RAB15: variants seen among roughly 807,000 people sequenced by gnomAD.
RAB15 encodes RAB15, member RAS oncogene family, also known as ras-related protein Rab-15.
In RAB15, 13 loss-of-function variants were observed where a neutral mutation model predicts 31.8. That is an observed-to-expected ratio of 0.41 (90% CI 0.27 to 0.65). RAB15 has a LOEUF of 0.65. Among genes scored for constraint, RAB15 ranks in the 30% least tolerant of loss-of-function variants. The pLI is 0.32. For missense variants in RAB15, 220 were observed against 277.3 expected, an observed-to-expected ratio of 0.79 and a Z score of 1.47; for synonymous variants, 100 against 105.6, an observed-to-expected ratio of 0.95 and a Z score of 0.33.
intron 1 of RAB15, among the ~76,000 whole-genome samples, chr14:64,960,599 T>A (rs536973222): frequency 6.6e-6 from 1 of 151,840 alleles, no homozygotes; most frequent in African/African-American, 2.4e-5. Context: ...CTCAGAGAAT[T>A]TTTTTTTTAA....
At position 64,954,123 on chromosome 14, in the gene RAB15, G is replaced by A. The variant is rs1366939363; in HGVS notation, c.125-1552C>T. On this transcript the variant is annotated intron_variant, in intron 1 of 6. Transcript: ENST00000533601. This position sits in a 1 kb window ranked among gnomAD's most constrained non-coding sequence, Gnocchi z 4.3. ...CGGGCAACCTGAACTAAATCGATTT[G>A]GTCAGACGTGAATCATTTCTCGCCT... 4 of 985,270 alleles carry A rather than the reference G, an allele frequency of 4.1e-6. No homozygotes were observed. The African/African-American group carries it at 7.0e-5, about 17-fold the overall frequency. The allele number at this position is 985,270 out of a possible 1,614,324, so 61.0% of individuals were successfully genotyped here. A position where few individuals can be genotyped will look rare whatever the true frequency, so the allele number is the denominator to read the frequency against.
Position 64,948,467 on chromosome 14 carries a change from C to A in RAB15, c.526G>T (p.Glu176Ter). The A allele has an allele frequency of 6.2e-7, 1 of 1,613,434 alleles. No homozygotes were observed. The highest frequency in any genetic ancestry group is 1.7e-5 in the Admixed American group (1 of 59,910). ...TELVLQAHRK[E>*]LEGLRMRASN... ...GCACGCATCCGGAGGCCTTCCAGCT[C>A]CTTCCTATGGGCCTGCAGCACCAGC... is the stretch of plus-strand genomic sequence containing the variant. The change falls in exon 7 of 7, where the codon GAG (glutamate) becomes TAG (stop). Residue 176 changes from glutamate (E) to a stop codon, truncating the protein, a stop_gained. Coordinates refer to ENST00000533601, the MANE Select transcript of RAB15 (RefSeq NM_001308154.2). LOFTEE classifies it high-confidence loss of function. This position sits in a 1 kb window ranked among gnomAD's most constrained non-coding sequence, Gnocchi z 7.0.
In RAB15 at chr14:64,970,638, T is replaced by G. The variant is rs189504798; in HGVS notation, c.124+1315A>C. The stretch of plus-strand genomic sequence containing the variant: ...TCGAGCTTCACCATGTGTCTGGCTG[T>G]GCTAAGCACTTAACAATCGTTATCT... On this transcript the variant is annotated intron_variant, in intron 1 of 6. Coordinates refer to ENST00000533601, the MANE Select transcript of RAB15 (RefSeq NM_001308154.2). This position sits in a 1 kb window ranked among gnomAD's most constrained non-coding sequence, Gnocchi z 4.1. 6.6e-6 allele frequency among the ~76,000 whole-genome samples: 1 copy of G among 152,338 alleles called. No individual in the cohort carries two copies. Among genetic ancestry groups the G allele is most frequent in the East Asian group, 1.9e-4 (1 of 5,194 alleles).
chr14:64,951,140 CA>C lies in RAB15; in HGVS notation c.257del (p.Leu86TrpfsTer15). The C allele has an allele frequency of 1.2e-6, 2 of 1,611,384 alleles. No homozygotes were observed. On this transcript the variant is annotated frameshift_variant, in exon 4 of 7. Coordinates refer to ENST00000533601, the MANE Select transcript of RAB15 (RefSeq NM_001308154.2). LOFTEE classifies it high-confidence loss of function. The surrounding 1 kb of genome is among the most constrained non-coding windows in gnomAD (Gnocchi z 7.2). The part of the protein sequence containing the change: ...QYYRRAQGIF[L>X]VYDISSERSY... ...AGCGCTCGCTGCTAATGTCATAGAC[CA>C]AAAATATCCCCTGAGAGAGAGAGAA...
chr14:64,949,134 C>A (rs968161090), intron 5 of RAB15, among the ~76,000 whole-genome samples: 2 of 152,182 alleles, frequency 1.3e-5, no homozygotes, highest in African/African-American at 4.8e-5. Context: ...CTGTAAGCCC[C>A]AGCTTTATCT....
In RAB15 at chr14:64,950,758, G is replaced by T. The variant is rs1323488391; in HGVS notation, c.324+316C>A. On this transcript the variant is annotated intron_variant, in intron 4 of 6. Coordinates refer to ENST00000533601, the MANE Select transcript of RAB15 (RefSeq NM_001308154.2). This position sits in a 1 kb window ranked among gnomAD's most constrained non-coding sequence, Gnocchi z 5.6. ...GGCTTCCCAAGGCTCCACAGCTATTGTGCAGAGCCAGGACTAGATCCCAAT... is the reference window on the plus strand; with the variant it reads ...GGCTTCCCAAGGCTCCACAGCTATTTTGCAGAGCCAGGACTAGATCCCAAT... The T allele has an allele frequency of 1.7e-6, 1 of 604,100 alleles. No homozygotes were observed. The highest frequency in any genetic ancestry group is 2.8e-5 in the East Asian group (1 of 36,218). The allele number at this position is 604,100 out of a possible 1,614,324, so 37.4% of individuals were successfully genotyped here.
rs1206576447 is a variant in RAB15, at chr14:64,948,376, G to A, written c.617C>T (p.Ser206Phe). ...EEGKPEGPAN[S>F]SKTCWC is the part of the protein sequence containing the mutation. ...GACTCAGCACCAGCAGGTTTTCGAA[G>A]AGTTCGCTGGGCCCTCGGGTTTGCC... is the stretch of plus-strand genomic sequence containing the variant. The change falls in exon 7 of 7, where the codon TCT becomes TTT. Residue 206 changes from serine to phenylalanine, a missense_variant. Ser to Phe is a radical substitution (Grantham distance 155). Transcript: ENST00000533601. The surrounding 1 kb of genome is among the most constrained non-coding windows in gnomAD (Gnocchi z 7.0). 2 of 1,593,716 alleles carry A rather than the reference G, an allele frequency of 1.3e-6. No individual in the cohort carries two copies.
At position 64,951,197 on chromosome 14, in the gene RAB15, G is replaced by T; in HGVS notation, c.247-46C>A. On this transcript the variant is annotated intron_variant, in intron 3 of 6. Coordinates refer to ENST00000533601, the MANE Select transcript of RAB15 (RefSeq NM_001308154.2). The surrounding 1 kb of genome is among the most constrained non-coding windows in gnomAD (Gnocchi z 7.2). ...GAGATGTGATATGCACAGAGAGAGTGCAGTCATGGGGCCAGAAGGGGCCGT... is the reference window on the plus strand; with the variant it reads ...GAGATGTGATATGCACAGAGAGAGTTCAGTCATGGGGCCAGAAGGGGCCGT... The T allele has an allele frequency of 6.6e-7, 1 of 1,509,796 alleles. No individual in the cohort carries two copies. 93.5% of individuals were successfully genotyped at this position (1,509,796 alleles called of 1,614,324 possible). A position where few individuals can be genotyped will look rare whatever the true frequency, so the allele number is the denominator to read the frequency against.
At position 64,946,732 on chromosome 14, in the gene RAB15, A is replaced by T. The variant is rs987026181; in HGVS notation, c.*1622T>A. Reference sequence around the variant, plus strand: ...TTTGGTTCTTAGTTGATGAATACTCAACACCCAGTTCTTTGTTTTGGCTGC... The same window carrying T: ...TTTGGTTCTTAGTTGATGAATACTCTACACCCAGTTCTTTGTTTTGGCTGC... On this transcript the variant is annotated 3_prime_UTR_variant, in exon 7 of 7. Transcript: ENST00000533601. 1.3e-5 allele frequency: 2 copies of T among 152,314 alleles called. No homozygotes were observed. Among genetic ancestry groups the T allele is most frequent in the Admixed American group, 1.3e-4 (2 of 15,278 alleles). 9.4% of individuals were successfully genotyped at this position (152,314 alleles called of 1,614,324 possible). A position where few individuals can be genotyped will look rare whatever the true frequency, so the allele number is the denominator to read the frequency against.
intron 1 of RAB15, among the ~76,000 whole-genome samples, chr14:64,961,082 T>C (rs1302314158): frequency 2.0e-5 from 3 of 151,980 alleles, no homozygotes; most frequent in African/African-American, 7.2e-5. Flanking sequence ...GGACCAGCAG[T>C]GCGACCTGAA....
chr14:64,950,298 GTGGAC>G lies in RAB15; in HGVS notation c.414+22_414+26del. The G allele has an allele frequency of 1.3e-6, 2 of 1,592,460 alleles. No individual in the cohort carries two copies. The highest frequency in any genetic ancestry group is 1.7e-6 in the Non-Finnish European group (2 of 1,160,660). On this transcript the variant is annotated intron_variant, in intron 5 of 6. Coordinates refer to ENST00000533601, the MANE Select transcript of RAB15 (RefSeq NM_001308154.2). The surrounding 1 kb of genome is among the most constrained non-coding windows in gnomAD (Gnocchi z 5.6). The stretch of plus-strand genomic sequence containing the variant: ...CTGGAGGCCCAGCAGAGGACCTGGG[GTGGAC>G]TTGCCTTTTCCCTCCACTTACCTGC...
rs1163987130 is a variant in RAB15 at position 64,952,609 on chromosome 14, A to G, written c.125-38T>C. The G allele has an allele frequency of 5.4e-6, 8 of 1,483,848 alleles. No homozygotes were observed. In the Admixed American group the frequency reaches 1.2e-4, roughly 22 times the overall value. The allele number at this position is 1,483,848 out of a possible 1,614,324, so 91.9% of individuals were successfully genotyped here. A position where few individuals can be genotyped will look rare whatever the true frequency, so the allele number is the denominator to read the frequency against. ...AGAAAGAAAGAAAGTTAGAAAGCGT[A>G]CCCACGAGAAATGAACAGGAAAGGG... On this transcript the variant is annotated intron_variant, in intron 1 of 6. Coordinates refer to ENST00000533601, the MANE Select transcript of RAB15 (RefSeq NM_001308154.2). The surrounding 1 kb of genome is among the most constrained non-coding windows in gnomAD (Gnocchi z 4.2).
rs761598155 is a variant in RAB15 at position 64,948,445 on chromosome 14, C to T, written c.548G>A (p.Arg183His). The T allele has an allele frequency of 4.3e-5, 70 of 1,613,760 alleles. No homozygotes were observed. Among genetic ancestry groups the T allele is most frequent in the Admixed American group, 1.7e-4 (10 of 59,952 alleles). The part of the protein sequence containing the change: ...HRKELEGLRM[R>H]ASNELALAEL... The stretch of plus-strand genomic sequence containing the variant: ...TGCCAGTGCCAACTCATTGCTGGCA[C>T]GCATCCGGAGGCCTTCCAGCTCCTT... Residue 183 changes from arginine to histidine, a missense_variant, in exon 7 of 7, where the codon CGT (arginine) becomes CAT (histidine). By Grantham distance (29) the Arg-to-His change is conservative (BLOSUM62 0). Coordinates refer to ENST00000533601, the MANE Select transcript of RAB15 (RefSeq NM_001308154.2). This position sits in a 1 kb window ranked among gnomAD's most constrained non-coding sequence, Gnocchi z 7.0.
Position 64,971,164 on chromosome 14 carries a change from G to A in RAB15, c.124+789C>T, listed in dbSNP as rs1233437502. 6.6e-6 allele frequency among the ~76,000 whole-genome samples: 1 copy of A among 152,184 alleles called. No individual in the cohort carries two copies. Among genetic ancestry groups the A allele is most frequent in the African/African-American group, 2.4e-5 (1 of 41,444 alleles). On this transcript the variant is annotated intron_variant, in intron 1 of 6. Coordinates refer to ENST00000533601, the MANE Select transcript of RAB15 (RefSeq NM_001308154.2). This position sits in a 1 kb window ranked among gnomAD's most constrained non-coding sequence, Gnocchi z 4.1. ...TGACTGTCTCAGAGGGGAGGCCATG[G>A]ACCCATTCCTAGAATAAGTGACCCC...
rs1413806098 is a variant in RAB15, at chr14:64,971,904, A to AG, written c.124+48dup. 7.0e-7 allele frequency: 1 copy of AG among 1,420,980 alleles called. No individual in the cohort carries two copies. The highest frequency in any genetic ancestry group is 1.5e-5 in the African/African-American group (1 of 67,938). The allele number at this position is 1,420,980 out of a possible 1,614,324, so 88.0% of individuals were successfully genotyped here. A position where few individuals can be genotyped will look rare whatever the true frequency, so the allele number is the denominator to read the frequency against. ...AGCTGGGGACGGGGGCGGCGGGGAAAGGGGCCGCGGGCGGGGAGGGAGGGG... is the reference window on the plus strand; with the variant it reads ...AGCTGGGGACGGGGGCGGCGGGGAAAGGGGGCCGCGGGCGGGGAGGGAGGGG... On this transcript the variant is annotated intron_variant, in intron 1 of 6. Transcript: ENST00000533601. The surrounding 1 kb of genome is among the most constrained non-coding windows in gnomAD (Gnocchi z 4.1).
In RAB15 at chr14:64,962,746, C is replaced by G. The variant is rs1157683462; in HGVS notation, c.124+9207G>C. Among the ~76,000 whole-genome samples, 1 of 152,208 alleles carries G rather than the reference C, an allele frequency of 6.6e-6. No homozygotes were observed. The highest frequency in any genetic ancestry group is 1.5e-5 in the Non-Finnish European group (1 of 68,038). ...GGAAGAGGGTCAACAGTACTCTCTCCTTTGTTACAAAAGGGGAACTGCAGC... is the reference window on the plus strand; with the variant it reads ...GGAAGAGGGTCAACAGTACTCTCTCGTTTGTTACAAAAGGGGAACTGCAGC... On this transcript the variant is annotated intron_variant, in intron 1 of 6. Transcript: ENST00000533601. The surrounding 1 kb of genome is among the most constrained non-coding windows in gnomAD (Gnocchi z 4.2).
In RAB15 at chr14:64,970,537, A is replaced by G. The variant is rs996416985; in HGVS notation, c.124+1416T>C. Among the ~76,000 whole-genome samples, 1 of 152,216 alleles carries G rather than the reference A, an allele frequency of 6.6e-6. No homozygotes were observed. ...CCTAAGTCCTGTTGTTTCACCCTTC[A>G]AGTTGGTGAAACAAAGAGAGGAGAC... On this transcript the variant is annotated intron_variant, in intron 1 of 6. Transcript: ENST00000533601. The surrounding 1 kb of genome is among the most constrained non-coding windows in gnomAD (Gnocchi z 4.1).
At position 64,950,903 on chromosome 14, in the gene RAB15, G is replaced by T; in HGVS notation, c.324+171C>A. 7.1e-7 allele frequency: 1 copy of T among 1,405,848 alleles called. No individual in the cohort carries two copies. Among genetic ancestry groups the T allele is most frequent in the Non-Finnish European group, 1.0e-6 (1 of 1,000,280 alleles). 87.1% of individuals were successfully genotyped at this position (1,405,848 alleles called of 1,614,324 possible). A position where few individuals can be genotyped will look rare whatever the true frequency, so the allele number is the denominator to read the frequency against. ...AGGCCTGGCAGGGTATAGAGAGTGA[G>T]GGCATGGCAGCTTCGGTTTCTTCCC... On this transcript the variant is annotated intron_variant, in intron 4 of 6. Transcript: ENST00000533601. The surrounding 1 kb of genome is among the most constrained non-coding windows in gnomAD (Gnocchi z 5.6).
rs770548762 is a variant in RAB15, at chr14:64,954,701, CAG to C, written c.125-2132_125-2131del. On this transcript the variant is annotated intron_variant, in intron 1 of 6. Transcript: ENST00000533601. This position sits in a 1 kb window ranked among gnomAD's most constrained non-coding sequence, Gnocchi z 4.3. ...CTAGCCAGGGTCAGCACAGCACGTGCAGAGATTCCAACACAGGTCCATCTATG... is the reference window on the plus strand; with the variant it reads ...CTAGCCAGGGTCAGCACAGCACGTGCAGATTCCAACACAGGTCCATCTATG... 2.0e-5 allele frequency among the ~76,000 whole-genome samples: 3 copies of C among 152,212 alleles called. No individual in the cohort carries two copies. Among genetic ancestry groups the C allele is most frequent in the Admixed American group, 6.5e-5 (1 of 15,288 alleles).
Sources: gnomAD v4.1 joint callset for allele counts (sites outside exome capture counted in the v4.1 genomes callset) on GRCh38, gnomAD v4.1.1 for gene constraint, Gnocchi (gnomAD v3.1) non-coding constraint, MANE v1.5 for transcripts, NCBI Gene and HGNC (gene_info 2026-07-23, HGNC 2026-07-21) for gene names.